The following GRIA1 variants were observed in gnomAD, a reference collection of about 807,000 sequenced individuals.
GRIA1 encodes the protein glutamate ionotropic receptor AMPA type subunit 1.
A neutral mutation model predicts 99.2 loss-of-function variants in GRIA1; 31 were observed. The ratio of observed to expected loss-of-function variants is 0.31; its 90% CI spans 0.23 to 0.42. The LOEUF (loss-of-function observed/expected upper bound fraction) is 0.42, where lower values mean the gene tolerates loss of function less well. Among genes scored for constraint, GRIA1 ranks in the 10% least tolerant of loss-of-function variants. GRIA1 has a pLI of 1.00. For synonymous variants in GRIA1, 438 were observed against 432.4 expected (o/e 1.01, Z -0.16); for missense variants, 782 against 1,157.5 (o/e 0.68, Z 4.71).
chr5:153,720,348 A>T (rs1458763351), intron 11 of GRIA1, among the ~76,000 whole-genome samples: 3 of 152,190 alleles, frequency 2.0e-5, no homozygotes, highest in Non-Finnish European at 2.9e-5. Flanking sequence ...TAAGCCTTGG[A>T]GGCAAATGAA....
chr5:153,629,102 G>C (rs1396142271), intron 2 of GRIA1, among the ~76,000 whole-genome samples: 2 of 152,194 alleles, frequency 1.3e-5, no homozygotes, highest in African/African-American at 4.8e-5. Context: ...TAGTCCTCAA[G>C]TGTGCTGACT....
chr5:153,783,794 A>C (rs1215650927), intron 13 of GRIA1, among the ~76,000 whole-genome samples: 2 of 152,234 alleles, frequency 1.3e-5, no homozygotes, highest in East Asian at 3.9e-4. Flanking sequence ...AGCTCAGATT[A>C]GATGAGTGGA....
chr5:153,753,475 T>C (rs1307485429), intron 11 of GRIA1, among the ~76,000 whole-genome samples: 1 of 152,162 alleles, frequency 6.6e-6, no homozygotes, highest in African/African-American at 2.4e-5. Flanking sequence ...CTGCAGTAGC[T>C]AAAGTGCTGG....
rs144158692 is a variant in GRIA1 at position 153,593,399 on chromosome 5, C to T, written c.221-53529C>T. On this transcript the variant is annotated intron_variant, in intron 2 of 15. Coordinates refer to ENST00000285900, the MANE Select transcript of GRIA1 (RefSeq NM_000827.4). Reference sequence around the variant, plus strand: ...ACAAACATGGAGTCCATAGCAATGCCGTTTCCTGATTTTTCAATTTTAGAT... The same window carrying T: ...ACAAACATGGAGTCCATAGCAATGCTGTTTCCTGATTTTTCAATTTTAGAT... Among the ~76,000 whole-genome samples, 572 of 152,198 alleles carry T rather than the reference C, an allele frequency of 3.8e-3. 1 individual carries two copies. The highest frequency in any genetic ancestry group is 0.014 in the Middle Eastern group (4 of 294).
chr5:153,695,818 C>G (rs1581485742), intron 8 of GRIA1, among the ~76,000 whole-genome samples: 1 of 152,194 alleles, frequency 6.6e-6, no homozygotes, highest in Admixed American at 6.5e-5. Context: ...CCCGTCAGAC[C>G]TCCGAGCTGT....
intron 10 of GRIA1, 126 bp downstream of exon 10, chr5:153,699,199 T>C (rs904483108): frequency 8.5e-6 from 6 of 703,102 alleles, no homozygotes; most frequent in Middle Eastern, 3.8e-4. Flanking sequence ...TTGTTGCTGC[T>C]GAACAGATGA....
At chr5:153,720,521 T>C (rs774418468) in intron 11 of GRIA1, among the ~76,000 whole-genome samples, 2 of 152,216 alleles carry the variant, frequency 1.3e-5, no homozygotes, top group Non-Finnish European at 2.9e-5. Context: ...GTTTAGGCAA[T>C]GTTTGCTCAA....
chr5:153,794,746 G>A lies in GRIA1; in HGVS notation c.2385+11G>A, dbSNP rs1432589217. 44 of 1,538,358 alleles carry A rather than the reference G, an allele frequency of 2.9e-5. No homozygotes were observed. In the East Asian group the frequency reaches 6.1e-4, roughly 21 times the overall value. ...GGAGGTGATTCCAAGGTCAGCCCCA[G>A]TAAGAAAAAAAAAAACCTAGTGGGT... On this transcript the variant is annotated intron_variant, in intron 14 of 15. Coordinates refer to ENST00000285900, the MANE Select transcript of GRIA1 (RefSeq NM_000827.4).
chr5:153,651,995 A>G (rs1474955621), intron 4 of GRIA1, among the ~76,000 whole-genome samples: 1 of 152,212 alleles, frequency 6.6e-6, no homozygotes, highest in Non-Finnish European at 1.5e-5. Flanking sequence ...CATCATCATC[A>G]TAATAATAGC....
chr5:153,798,306 C>T (rs1225672778), intron 14 of GRIA1, among the ~76,000 whole-genome samples: 1 of 152,142 alleles, frequency 6.6e-6, no homozygotes, highest in Non-Finnish European at 1.5e-5. Context: ...GGGAAACGGT[C>T]CTTAAGCCAA....
chr5:153,776,404 G>A (rs1417032776), intron 13 of GRIA1, among the ~76,000 whole-genome samples: 5 of 152,012 alleles, frequency 3.3e-5, no homozygotes, highest in East Asian at 1.9e-4. Flanking sequence ...GGAAAAATAC[G>A]GGATTTACCT....
intron 11 of GRIA1, among the ~76,000 whole-genome samples, chr5:153,761,761 C>T (rs1763196584): frequency 6.6e-6 from 1 of 152,194 alleles, no homozygotes; most frequent in African/African-American, 2.4e-5. Context: ...AATATGGAAT[C>T]AACTTACGTG....
At chr5:153,551,070 A>C (rs577247599) in intron 2 of GRIA1, among the ~76,000 whole-genome samples, 11 of 152,200 alleles carry the variant, frequency 7.2e-5, no homozygotes, top group African/African-American at 2.6e-4. Flanking sequence ...TTTAAAAGCT[A>C]TTATTCATAA....
At position 153,812,722 on chromosome 5, in the gene GRIA1, G is replaced by T. The variant is rs555368361; in HGVS notation, c.*1497G>T. 9 of 152,242 alleles carry T rather than the reference G, an allele frequency of 5.9e-5. No homozygotes were observed. The South Asian group carries it at 6.2e-4, about 11-fold the overall frequency. The allele number at this position is 152,242 out of a possible 1,614,324, so 9.4% of individuals were successfully genotyped here. On this transcript the variant is annotated 3_prime_UTR_variant, in exon 16 of 16. Transcript: ENST00000285900. ...GAAGTGGCAGGGTTTATAGAGAGAA[G>T]CCCAGGCTGAGTTCAGCTTTTGTTG...
intron 15 of GRIA1, among the ~76,000 whole-genome samples, chr5:153,805,794 C>G (rs1328753158): frequency 6.6e-6 from 1 of 152,178 alleles, no homozygotes; most frequent in Non-Finnish European, 1.5e-5. Flanking sequence ...TCACCCTTCC[C>G]TTTACAATGA....
intron 11 of GRIA1, among the ~76,000 whole-genome samples, chr5:153,725,461 T>TAGTC (rs1160642184): frequency 7.7e-6 from 1 of 129,742 alleles, no homozygotes; most frequent in Non-Finnish European, 1.6e-5. Flanking sequence ...GCAAATTGGA[T>TAGTC]AGTCAAGACC....
intron 2 of GRIA1, among the ~76,000 whole-genome samples, chr5:153,588,781 T>C (rs1217433507): frequency 6.6e-6 from 1 of 152,152 alleles, no homozygotes; most frequent in African/African-American, 2.4e-5. Flanking sequence ...TATCTAGTAT[T>C]TACTAGCTAG....
intron 2 of GRIA1, among the ~76,000 whole-genome samples, chr5:153,555,142 G>C (rs1760505828): frequency 6.7e-6 from 1 of 149,164 alleles, no homozygotes; most frequent in Non-Finnish European, 1.5e-5. Context: ...ATATGAAATA[G>C]AGTAAACACC....
intron 11 of GRIA1, among the ~76,000 whole-genome samples, chr5:153,762,825 C>A (rs55647804): frequency 0.023 from 3,433 of 152,200 alleles, 55 homozygotes; most frequent in Non-Finnish European, 0.033. Flanking sequence ...TGTTGCACAC[C>A]CTACCTATCA....
Sources: allele counts gnomAD v4.1 joint callset (sites outside exome capture counted in the v4.1 genomes callset), GRCh38; gene constraint gnomAD v4.1.1; transcripts MANE v1.5; gene names NCBI Gene and HGNC (gene_info 2026-07-23, HGNC 2026-07-21).